Variants in RBMS1 observed in about 807,000 individuals in gnomAD.
RBMS1 encodes the protein RNA-binding motif, single-stranded-interacting protein 1.
RBMS1 carries 17 observed loss-of-function variants against 62.3 expected under a neutral mutation model. The observed-to-expected ratio is 0.27, with a 90% CI of 0.19 to 0.41. The LOEUF (loss-of-function observed/expected upper bound fraction) is 0.41. Ranked by LOEUF, RBMS1 falls within the 10% of genes least tolerant of loss-of-function variation. The pLI, the probability that RBMS1 is intolerant of heterozygous loss-of-function variation, is 1.00. For synonymous variants in RBMS1, 172 were observed against 170.0 expected, an observed-to-expected ratio of 1.01 and a Z score of -0.09; for missense variants, 334 against 504.5, an observed-to-expected ratio of 0.66 and a Z score of 3.24.
intron 2 of RBMS1, among the ~76,000 whole-genome samples, chr2:160,335,565 G>A (rs984846920): frequency 3.3e-5 from 5 of 152,164 alleles, no homozygotes; most frequent in African/African-American, 1.2e-4. Context: ...AAGTATGTTT[G>A]GGTTTTCTTT....
chr2:160,276,024 T>C (rs528403698), intron 12 of RBMS1, among the ~76,000 whole-genome samples: 1 of 152,308 alleles, frequency 6.6e-6, no homozygotes, highest in South Asian at 2.1e-4. Flanking sequence ...TTTCAGATTT[T>C]ATAATCTGAA....
chr2:160,480,571 A>G (rs1263309245), intron 1 of RBMS1, among the ~76,000 whole-genome samples: 1 of 152,226 alleles, frequency 6.6e-6, no homozygotes, highest in African/African-American at 2.4e-5. Context: ...ATAAATAAAT[A>G]AGAGATATAC....
chr2:160,340,244 A>G (rs1299237363), intron 2 of RBMS1, among the ~76,000 whole-genome samples: 2 of 152,074 alleles, frequency 1.3e-5, no homozygotes, highest in Non-Finnish European at 2.9e-5. Flanking sequence ...TAAAATACCT[A>G]AAGTAGCCAG....
intron 1 of RBMS1, among the ~76,000 whole-genome samples, chr2:160,442,042 G>T (rs1008209429): frequency 6.6e-5 from 10 of 152,128 alleles, no homozygotes; most frequent in African/African-American, 2.4e-4. Context: ...ATGTATTCCA[G>T]ATCCAAATAC....
intron 1 of RBMS1, among the ~76,000 whole-genome samples, chr2:160,426,218 G>GA (rs71408120): frequency 8.2e-5 from 4 of 48,676 alleles, no homozygotes; most frequent in Admixed American, 2.6e-4. Flanking sequence ...GAGAGAGACA[G>GA]AAGAAAGAAA....
chr2:160,328,999 T>C (rs1016815779), intron 2 of RBMS1, among the ~76,000 whole-genome samples: 53 of 152,242 alleles, frequency 3.5e-4, no homozygotes, highest in African/African-American at 1.3e-3. Flanking sequence ...GTGTGCAAAA[T>C]TACCTAGAAA....
intron 12 of RBMS1, among the ~76,000 whole-genome samples, chr2:160,276,443 T>C (rs1311358206): frequency 6.6e-6 from 1 of 151,984 alleles, no homozygotes; most frequent in Non-Finnish European, 1.5e-5. Flanking sequence ...GCCAGAGTCC[T>C]ATGATCCTTT....
intron 11 of RBMS1, 85 bp downstream of exon 11, chr2:160,278,463 G>T: frequency 9.4e-7 from 1 of 1,062,008 alleles, no homozygotes; most frequent in Non-Finnish European, 1.4e-6. Flanking sequence ...TATCATAGAG[G>T]CTGTCATTTG....
At chr2:160,347,438 T>C (rs1234198144) in intron 2 of RBMS1, among the ~76,000 whole-genome samples, 1 of 152,176 alleles carries the variant, frequency 6.6e-6, no homozygotes, top group East Asian at 1.9e-4. Context: ...TATCACCTCT[T>C]ACAGCATCAG....
intron 7 of RBMS1, among the ~76,000 whole-genome samples, chr2:160,286,610 G>A (rs922851627): frequency 2.0e-5 from 3 of 151,924 alleles, no homozygotes; most frequent in African/African-American, 2.4e-5. Flanking sequence ...GTGAGCCACC[G>A]CGCCTAGCCT....
In RBMS1 at chr2:160,482,870, T is replaced by A. The variant is rs192015343; in HGVS notation, c.75+10419A>T. The stretch of plus-strand genomic sequence containing the variant: ...ATTAGGGCTCAGGCACAGATTACTA[T>A]CACAATGTACTTATCTCAACATGCT... On this transcript the variant is annotated intron_variant, in intron 1 of 13. Coordinates refer to ENST00000348849, the MANE Select transcript of RBMS1 (RefSeq NM_016836.4). Among the ~76,000 whole-genome samples, 121 of 152,292 alleles carry A rather than the reference T, an allele frequency of 7.9e-4. 1 individual carries two copies. The highest frequency in any genetic ancestry group is 2.7e-3 in the African/African-American group (113 of 41,554).
chr2:160,406,134 C>A (rs1385215056), intron 1 of RBMS1, among the ~76,000 whole-genome samples: 1 of 152,100 alleles, frequency 6.6e-6, no homozygotes, highest in Non-Finnish European at 1.5e-5. Context: ...CTTCTTAACC[C>A]AGGTAAAAGT....
intron 3 of RBMS1, 139 bp downstream of exon 3, chr2:160,318,028 CTG>C (rs1690321593): frequency 8.0e-7 from 1 of 1,254,366 alleles, no homozygotes; most frequent in African/African-American, 1.6e-5. Context: ...TATGCTGACA[CTG>C]TGCAAGACAG....
intron 2 of RBMS1, among the ~76,000 whole-genome samples, chr2:160,332,017 T>C (rs746471787): frequency 6.6e-6 from 1 of 152,182 alleles, no homozygotes; most frequent in Admixed American, 6.5e-5. Context: ...AGTGAAATGG[T>C]CTTTCTTTTT....
chr2:160,326,174 C>G (rs560443389), intron 2 of RBMS1, among the ~76,000 whole-genome samples: 1 of 152,004 alleles, frequency 6.6e-6, no homozygotes, highest in Non-Finnish European at 1.5e-5. Flanking sequence ...GAAGGGATTA[C>G]GGGAAAGATA....
At chr2:160,285,478 C>CGCT (rs1411371026) in intron 7 of RBMS1, among the ~76,000 whole-genome samples, 1 of 151,994 alleles carries the variant, frequency 6.6e-6, no homozygotes, top group East Asian at 1.9e-4. Context: ...CTCAGAGAGC[C>CGCT]ACCTGTGGCT....
intron 1 of RBMS1, among the ~76,000 whole-genome samples, chr2:160,445,863 T>C (rs1683619171): frequency 6.6e-6 from 1 of 152,162 alleles, no homozygotes; most frequent in Admixed American, 6.5e-5. Flanking sequence ...CAGAGGAAGA[T>C]AGTATCTGCC....
At chr2:160,438,443 T>G (rs1038438431) in intron 1 of RBMS1, among the ~76,000 whole-genome samples, 3 of 151,714 alleles carry the variant, frequency 2.0e-5, no homozygotes, top group Non-Finnish European at 2.9e-5. Flanking sequence ...TACTTGAGAT[T>G]AGGGAGTGGT....
intron 2 of RBMS1, among the ~76,000 whole-genome samples, chr2:160,363,250 G>A (rs114555917): frequency 1.6e-4 from 25 of 152,274 alleles, no homozygotes; most frequent in African/African-American, 5.8e-4. Context: ...TGACAAATCT[G>A]TTTAAGATGA....
Sources: allele counts gnomAD v4.1 joint callset (sites outside exome capture counted in the v4.1 genomes callset), GRCh38; gene constraint gnomAD v4.1.1; transcripts MANE v1.5; gene names NCBI Gene and HGNC (gene_info 2026-07-23, HGNC 2026-07-21).